ZGRF1: variants seen among roughly 807,000 people sequenced by gnomAD.
The protein encoded by ZGRF1 is zinc finger GRF-type containing 1, also known as 5'-3' DNA helicase ZGRF1.
Under a neutral mutation model 203.5 loss-of-function variants are expected in ZGRF1, and 196 were observed. The ratio of observed to expected loss-of-function variants is 0.96; its 90% confidence interval spans 0.86 to 1.08. ZGRF1 has a LOEUF of 1.08. Among genes scored for constraint, ZGRF1 ranks in the 50% least tolerant of loss-of-function variants. The probability of loss-of-function intolerance (pLI) is 0.00; values close to 1 mark genes in which losing one functional copy is unlikely to be tolerated. For missense variants in ZGRF1, 2,326 were observed against 2,416.3 expected (o/e 0.96, Z 0.78); for synonymous variants, 809 against 841.3 (o/e 0.96, Z 0.66).
intron 5 of ZGRF1, 23 bp from the exon 6 acceptor site, chr4:112,619,713 T>C (rs1440103398): frequency 2.0e-6 from 3 of 1,523,398 alleles, no homozygotes; most frequent in African/African-American, 2.8e-5. Flanking sequence ...AAATAACTGT[T>C]AGGTGTACCA....
rs1374023002 is a variant in ZGRF1, at chr4:112,587,546, A to T, written c.3511T>A (p.Phe1171Ile). ...ATCCCAGAAACAGCCTCAGCAAAGAAGCCATCAGTTATTCTCTTATCAACT... is the reference window on the plus strand; with the variant it reads ...ATCCCAGAAACAGCCTCAGCAAAGATGCCATCAGTTATTCTCTTATCAACT... ...NRVDKRITDG[F>I]FAEAVSGMHF... The change falls in exon 12 of 28, where the codon TTC (phenylalanine) becomes ATC (isoleucine). Residue 1171 changes from phenylalanine (F) to isoleucine (I), a missense_variant. Phe to Ile is a conservative substitution (Grantham distance 21, BLOSUM62 0). Transcript: ENST00000505019. The T allele has an allele frequency of 6.2e-7, 1 of 1,613,910 alleles. No individual in the cohort carries two copies. The highest frequency in any genetic ancestry group is 1.6e-4 in the Middle Eastern group (1 of 6,062).
At position 112,595,978 on chromosome 4, in the gene ZGRF1, A is replaced by G. The variant is rs116642779; in HGVS notation, c.2977-6104T>C. Among the ~76,000 whole-genome samples, 1,033 of 152,296 alleles carry G rather than the reference A, an allele frequency of 6.8e-3. 16 individuals carry two copies. Among genetic ancestry groups the G allele is most frequent in the African/African-American group, 0.023 (976 of 41,560 alleles). Reference sequence around the variant, plus strand: ...CATGCAAGCAATGTCACGCTTATTCAAAAAAGCACTTATCTGTTTGTAGAT... The same window carrying G: ...CATGCAAGCAATGTCACGCTTATTCGAAAAAGCACTTATCTGTTTGTAGAT... On this transcript the variant is annotated intron_variant, in intron 10 of 27. Transcript: ENST00000505019.
chr4:112,570,146 T>A (rs7676773), intron 16 of ZGRF1, among the ~76,000 whole-genome samples: 8,462 of 152,192 alleles, frequency 0.056, 435 homozygotes, highest in East Asian at 0.19. Context: ...ATATAGAAGA[T>A]CTGGACAAGA....
At chr4:112,633,056 G>T in intron 2 of ZGRF1, 100 bp downstream of exon 2, 2 of 1,070,322 alleles carry the variant, frequency 1.9e-6, no homozygotes, top group Admixed American at 2.1e-5. Flanking sequence ...TTTTGTTTTT[G>T]CTAAATCTGG....
At chr4:112,544,614 A>G (rs531692398) in intron 24 of ZGRF1, among the ~76,000 whole-genome samples, 13 of 152,334 alleles carry the variant, frequency 8.5e-5, no homozygotes, top group Admixed American at 3.9e-4. Context: ...AGGTACGGAG[A>G]AAACAGAGAA....
intron 9 of ZGRF1, among the ~76,000 whole-genome samples, chr4:112,605,079 G>A (rs563599288): frequency 1.4e-4 from 22 of 152,134 alleles, no homozygotes; most frequent in Admixed American, 1.4e-3. Context: ...AGTCTCAACT[G>A]TTAAAGATTC....
chr4:112,567,165 G>A (rs746142138), intron 16 of ZGRF1, among the ~76,000 whole-genome samples: 20 of 152,098 alleles, frequency 1.3e-4, no homozygotes, highest in Non-Finnish European at 2.5e-4. Flanking sequence ...AGGTAGTTGT[G>A]GTTTTCTGGT....
intron 7 of ZGRF1, chr4:112,610,589 A>G (rs902628146): frequency 2.7e-5 from 4 of 149,780 alleles, no homozygotes; most frequent in Non-Finnish European, 5.9e-5. Flanking sequence ...GAAAGAAAAG[A>G]AAAAAAAAAG....
rs532907698 is a variant in ZGRF1, at chr4:112,583,734, T to C, written c.4298+244A>G. The stretch of plus-strand genomic sequence containing the variant: ...TGGGTGGAGAGCTTCAGCCCAGGAG[T>C]TGAAGGTTGCAGTGAGCTAAGGATC... On this transcript the variant is annotated intron_variant, in intron 15 of 27. Transcript: ENST00000505019. 2.4e-4 allele frequency among the ~76,000 whole-genome samples: 37 copies of C among 151,800 alleles called. No individual in the cohort carries two copies. In the South Asian group the frequency reaches 7.3e-3, roughly 30 times the overall value.
intron 24 of ZGRF1, among the ~76,000 whole-genome samples, chr4:112,542,400 G>A (rs1341987242): frequency 6.6e-6 from 1 of 152,118 alleles, no homozygotes; most frequent in African/African-American, 2.4e-5. Context: ...TAGTAACAAG[G>A]GGAGATGATT....
chr4:112,593,470 T>C lies in ZGRF1; in HGVS notation c.2977-3596A>G, dbSNP rs781360333. Among the ~76,000 whole-genome samples the C allele has an allele frequency of 2.6e-5, 4 of 152,228 alleles. No homozygotes were observed. The East Asian group carries it at 7.7e-4, about 29-fold the overall frequency. On this transcript the variant is annotated intron_variant, in intron 10 of 27. Transcript: ENST00000505019. Reference sequence around the variant, plus strand: ...ATATAAATTGAATCATGTCACTTCATGCTGCATCCTTCAGTGATTTCCCAG... The same window carrying C: ...ATATAAATTGAATCATGTCACTTCACGCTGCATCCTTCAGTGATTTCCCAG...
At chr4:112,588,034 G>GA (rs1033755846) in intron 11 of ZGRF1, 105 bp from the exon 12 acceptor site, 1,550 of 538,084 alleles carry the variant, frequency 2.9e-3, no homozygotes, top group South Asian at 6.1e-3. Context: ...AACTTGCTCT[G>GA]AAAAAAAAAA....
In ZGRF1 at chr4:112,585,729, CAA is replaced by C. The variant is rs759726940; in HGVS notation, c.3917-6_3917-5del. 9.4e-3 allele frequency: 10,494 copies of C among 1,113,792 alleles called. No individual in the cohort carries two copies. Among genetic ancestry groups the C allele is most frequent in the South Asian group, 0.027 (1,186 of 44,010 alleles). 69.0% of individuals were successfully genotyped at this position (1,113,792 alleles called of 1,614,324 possible). Reference sequence around the variant, plus strand: ...AACAGCAATATATTTAGATGTTCTACAAAAAAAAAAAAAAGAGAGCAGAAAAT... The same window carrying C: ...AACAGCAATATATTTAGATGTTCTACAAAAAAAAAAAAGAGAGCAGAAAAT... On this transcript the variant is annotated splice_region_variant and splice_polypyrimidine_tract_variant and intron_variant, in intron 13 of 27. Transcript: ENST00000505019.
chr4:112,562,110 T>C (rs888791419), intron 18 of ZGRF1, among the ~76,000 whole-genome samples: 1 of 152,112 alleles, frequency 6.6e-6, no homozygotes, highest in Admixed American at 6.6e-5. Context: ...GGTTTCTCCA[T>C]GTTGGTCAGG....
intron 16 of ZGRF1, among the ~76,000 whole-genome samples, chr4:112,573,366 C>A (rs1744562887): frequency 6.6e-6 from 1 of 151,774 alleles, no homozygotes; most frequent in African/African-American, 2.4e-5. Flanking sequence ...GGTACAAAGG[C>A]ATAATAATAA....
intron 22 of ZGRF1, among the ~76,000 whole-genome samples, chr4:112,552,032 C>G (rs1466597179): frequency 6.6e-6 from 1 of 152,122 alleles, no homozygotes; most frequent in African/African-American, 2.4e-5. Context: ...AATCCCAGCA[C>G]TTTGGGAGGC....
chr4:112,634,928 G>C (rs1331558468), intron 1 of ZGRF1, among the ~76,000 whole-genome samples: 1 of 151,928 alleles, frequency 6.6e-6, no homozygotes, highest in African/African-American at 2.4e-5. Flanking sequence ...TCAGGCGCTC[G>C]AGACCAGCCT....
In ZGRF1 at chr4:112,540,814, T is replaced by C; in HGVS notation, c.5910+7A>G. Reference sequence around the variant, plus strand: ...ATATGGCAAATACTGTAATACATAATACCAACCTTGTACATCTGGGATTTG... The same window carrying C: ...ATATGGCAAATACTGTAATACATAACACCAACCTTGTACATCTGGGATTTG... On this transcript the variant is annotated splice_region_variant and intron_variant, in intron 26 of 27. Coordinates refer to ENST00000505019, the MANE Select transcript of ZGRF1 (RefSeq NM_018392.5). 6.3e-7 allele frequency: 1 copy of C among 1,584,604 alleles called. No homozygotes were observed. The highest frequency in any genetic ancestry group is 2.3e-5 in the East Asian group (1 of 43,856).
At chr4:112,563,083 C>CT (rs1742312670) in intron 17 of ZGRF1, 48 bp downstream of exon 17, 2 of 1,475,998 alleles carry the variant, frequency 1.4e-6, no homozygotes, top group East Asian at 5.0e-5. Flanking sequence ...CATCTTATGT[C>CT]TATCATTCTT....
Sources: gnomAD v4.1 joint callset for allele counts (sites outside exome capture counted in the v4.1 genomes callset) on GRCh38, gnomAD v4.1.1 for gene constraint, MANE v1.5 for transcripts, NCBI Gene and HGNC (gene_info 2026-07-23, HGNC 2026-07-21) for gene names.